ZNF804A: variants seen among roughly 807,000 people sequenced by gnomAD.
The protein encoded by ZNF804A is zinc finger protein 804A.
A neutral mutation model predicts 16.5 loss-of-function variants in ZNF804A; 2 were observed. The observed-to-expected ratio is 0.12, with a 90% CI of 0.05 to 0.38. ZNF804A has a LOEUF of 0.38. ZNF804A is among the 10% of genes least tolerant of loss of function. The pLI, the probability that ZNF804A is intolerant of heterozygous loss-of-function variation, is 0.99. For synonymous variants in ZNF804A, 534 were observed against 489.6 expected (o/e 1.09, Z -1.20); for missense variants, 1,473 against 1,390.7 (o/e 1.06, Z -0.94).
At chr2:184,872,450 T>C (rs1695991349) in intron 2 of ZNF804A, among the ~76,000 whole-genome samples, 1 of 152,118 alleles carries the variant, frequency 6.6e-6, no homozygotes, top group Non-Finnish European at 1.5e-5. Flanking sequence ...GTCTGGCTAT[T>C]ATATTGCATT....
chr2:184,757,420 A>G (rs1693975223), intron 1 of ZNF804A, among the ~76,000 whole-genome samples: 1 of 151,804 alleles, frequency 6.6e-6, no homozygotes, highest in Non-Finnish European at 1.5e-5. Flanking sequence ...TATTGCAACT[A>G]TCTCCACATT....
At chr2:184,823,769 C>T (rs1014495144) in intron 1 of ZNF804A, among the ~76,000 whole-genome samples, 4 of 151,850 alleles carry the variant, frequency 2.6e-5, no homozygotes, top group Non-Finnish European at 1.5e-5. Flanking sequence ...AACCAAAAAC[C>T]CTTTATATAA....
intron 1 of ZNF804A, among the ~76,000 whole-genome samples, chr2:184,687,952 C>G (rs1338425733): frequency 1.3e-5 from 2 of 152,066 alleles, no homozygotes; most frequent in African/African-American, 4.8e-5. Flanking sequence ...AACCCCGTCT[C>G]TACTAAAAAT....
chr2:184,936,177 C>G lies in ZNF804A; in HGVS notation c.781C>G (p.Gln261Glu), dbSNP rs757700347. 1.2e-6 allele frequency: 2 copies of G among 1,614,072 alleles called. No homozygotes were observed. The highest frequency in any genetic ancestry group is 2.2e-5 in the South Asian group (2 of 91,080). The change falls in exon 4 of 4, where the codon CAA becomes GAA. Residue 261 changes from glutamine to glutamate, a missense_variant. Physicochemically the swap from Gln to Glu is conservative, Grantham distance 29. Coordinates refer to ENST00000302277, the MANE Select transcript of ZNF804A (RefSeq NM_194250.2). ...RFVPSACHLQ[Q>E]SSPTDVLLSS... ...TGTCCCCAGTGCTTGTCATCTTCAA[C>G]AATCTTCACCAACAGATGTGCTTTT...
chr2:184,933,530 A>C, intron 2 of ZNF804A, 73 bp from the exon 3 acceptor site: 1 of 1,432,362 alleles, frequency 7.0e-7, no homozygotes, highest in Non-Finnish European at 9.3e-7. Flanking sequence ...GAAAATTTCA[A>C]CAATAACAAT....
At chr2:184,671,594 C>T (rs1692339675) in intron 1 of ZNF804A, among the ~76,000 whole-genome samples, 1 of 152,066 alleles carries the variant, frequency 6.6e-6, no homozygotes, top group Non-Finnish European at 1.5e-5. Flanking sequence ...CAGCAGAAGC[C>T]CTAGTGCTTT....
intron 1 of ZNF804A, among the ~76,000 whole-genome samples, chr2:184,601,367 T>C (rs1691043580): frequency 6.6e-6 from 1 of 152,018 alleles, no homozygotes; most frequent in Non-Finnish European, 1.5e-5. Flanking sequence ...TAGGATGCTA[T>C]GAGCACTTAC....
intron 1 of ZNF804A, among the ~76,000 whole-genome samples, chr2:184,761,821 A>G (rs759463854): frequency 2.6e-4 from 40 of 152,288 alleles, no homozygotes; most frequent in Non-Finnish European, 4.9e-4. Flanking sequence ...TCTATTAAAT[A>G]GAACTGAGAT....
At chr2:184,755,606 G>C (rs893952892) in intron 1 of ZNF804A, among the ~76,000 whole-genome samples, 1 of 151,920 alleles carries the variant, frequency 6.6e-6, no homozygotes, top group Non-Finnish European at 1.5e-5. Context: ...TCATTGTGTT[G>C]AGATGCAGTG....
At chr2:184,805,969 A>T (rs1248289493) in intron 1 of ZNF804A, among the ~76,000 whole-genome samples, 1 of 152,004 alleles carries the variant, frequency 6.6e-6, no homozygotes, top group Non-Finnish European at 1.5e-5. Flanking sequence ...TCTGTAGAGG[A>T]TCAAGAAGCT....
At chr2:184,608,940 T>C (rs1193111561) in intron 1 of ZNF804A, among the ~76,000 whole-genome samples, 1 of 152,172 alleles carries the variant, frequency 6.6e-6, no homozygotes, top group Non-Finnish European at 1.5e-5. Flanking sequence ...GAAACAGGCT[T>C]CACTTAGAGC....
chr2:184,841,862 C>T (rs2105800123), intron 1 of ZNF804A, among the ~76,000 whole-genome samples: 1 of 152,172 alleles, frequency 6.6e-6, no homozygotes, highest in African/African-American at 2.4e-5. Flanking sequence ...GCAGATAGCT[C>T]AGCAAGAGTC....
chr2:184,718,013 C>A lies in ZNF804A; in HGVS notation c.111+118943C>A, dbSNP rs536045029. Among the ~76,000 whole-genome samples the A allele has an allele frequency of 1.8e-4, 27 of 152,218 alleles. No homozygotes were observed. In the South Asian group the frequency reaches 5.4e-3, roughly 30 times the overall value. On this transcript the variant is annotated intron_variant, in intron 1 of 3. Coordinates refer to ENST00000302277, the MANE Select transcript of ZNF804A (RefSeq NM_194250.2). ...AAAATAAAAGGCACCTATATTAGTC[C>A]ATTTTCATGCTGCTGATAAAGATAT...
intron 2 of ZNF804A, among the ~76,000 whole-genome samples, chr2:184,917,877 C>A (rs1359594297): frequency 6.6e-6 from 1 of 152,014 alleles, no homozygotes; most frequent in Non-Finnish European, 1.5e-5. Context: ...GTCCTCATTT[C>A]TGTAACTGGC....
intron 1 of ZNF804A, among the ~76,000 whole-genome samples, chr2:184,671,952 TATA>T (rs1168644595): frequency 6.6e-6 from 1 of 152,250 alleles, no homozygotes; most frequent in African/African-American, 2.4e-5. Flanking sequence ...ATCAGTTGTT[TATA>T]AGATGAACTT....
intron 2 of ZNF804A, among the ~76,000 whole-genome samples, chr2:184,869,614 ATTAC>A (rs1283111674): frequency 6.6e-6 from 1 of 152,014 alleles, no homozygotes; most frequent in African/African-American, 2.4e-5. Flanking sequence ...TCTTATTATT[ATTAC>A]TTACTAAATT....
At chr2:184,767,063 G>T (rs991679118) in intron 1 of ZNF804A, among the ~76,000 whole-genome samples, 1 of 152,130 alleles carries the variant, frequency 6.6e-6, no homozygotes, top group African/African-American at 2.4e-5. Context: ...AAGGAGAAAG[G>T]TCTTAGAAGA....
intron 2 of ZNF804A, among the ~76,000 whole-genome samples, chr2:184,919,751 A>G (rs1685501276): frequency 2.6e-5 from 4 of 152,152 alleles, no homozygotes; most frequent in African/African-American, 4.8e-5. Context: ...AATGAACAAC[A>G]AAATTCACTA....
At chr2:184,901,771 C>T (rs979406984) in intron 2 of ZNF804A, among the ~76,000 whole-genome samples, 4 of 151,760 alleles carry the variant, frequency 2.6e-5, no homozygotes, top group African/African-American at 9.7e-5. Flanking sequence ...TTTATTTCTC[C>T]TTTTATATGT....
Sources: gnomAD v4.1 joint callset for allele counts (sites outside exome capture counted in the v4.1 genomes callset) on GRCh38, gnomAD v4.1.1 for gene constraint, MANE v1.5 for transcripts, NCBI Gene and HGNC (gene_info 2026-07-23, HGNC 2026-07-21) for gene names.